The following LHX3 variants were observed in gnomAD, a reference collection of about 807,000 sequenced individuals.
The protein encoded by LHX3 is LIM/homeobox protein Lhx3.
LHX3 carries 21 observed loss-of-function variants against 32.4 expected under a neutral mutation model. That is an observed-to-expected ratio of 0.65 (90% CI 0.46 to 0.93). LHX3 has a LOEUF of 0.93. Among genes scored for constraint, LHX3 ranks in the 40% least tolerant of loss-of-function variants. The pLI is 0.00. For synonymous variants in LHX3, 258 were observed against 246.8 expected, an observed-to-expected ratio of 1.05 and a Z score of -0.43; for missense variants, 626 against 560.0, an observed-to-expected ratio of 1.12 and a Z score of -1.19.
At chr9:136,202,600 T>C (rs901113458) in intron 1 of LHX3, among the ~76,000 whole-genome samples, 1 of 152,080 alleles carries the variant, frequency 6.6e-6, no homozygotes, top group East Asian at 1.9e-4. Context: ...GGCGGCCTTC[T>C]TGGGGACCCT....
At chr9:136,203,297 C>T (rs1831692004) in intron 1 of LHX3, 2 of 294,894 alleles carry the variant, frequency 6.8e-6, no homozygotes, top group Admixed American at 6.4e-5. Flanking sequence ...GCCTTTGCGC[C>T]GGGACCTGCG....
In LHX3 at chr9:136,197,405, T is replaced by C. The variant is rs1309813164; in HGVS notation, c.1114A>G (p.Thr372Ala). ...TCGGGGTAACCCCCGCTGCTCCCCG[T>C]GGATAGGTCAGAACTGGGTCCGTTC... ...AGNGPSSDLS[T>A]GSSGGYPDFP... The change falls in exon 6 of 6, where the codon ACG (threonine) becomes GCG (alanine). Residue 372 changes from threonine to alanine, a missense_variant. Thr to Ala is a moderately conservative substitution (Grantham distance 58). Transcript: ENST00000371748. 1.9e-6 allele frequency: 3 copies of C among 1,609,434 alleles called. No homozygotes were observed. The highest frequency in any genetic ancestry group is 4.5e-5 in the East Asian group (2 of 44,768).
chr9:136,199,269 C>T (rs1164702135), intron 3 of LHX3, among the ~76,000 whole-genome samples: 1 of 152,008 alleles, frequency 6.6e-6, no homozygotes, highest in East Asian at 1.9e-4. Flanking sequence ...CGGCGGAGGG[C>T]GGGTTCTGCC....
chr9:136,198,937 C>G lies in LHX3; in HGVS notation c.577G>C (p.Glu193Gln). ...ARHVREQLSS[E>Q]TGLDMRVVQV... Reference sequence around the variant, plus strand: ...ACCACGCGCATGTCCAGGCCCGTCTCGGACGAGAGCTGCTCGCGCACGTGG... The same window carrying G: ...ACCACGCGCATGTCCAGGCCCGTCTGGGACGAGAGCTGCTCGCGCACGTGG... The change falls in exon 4 of 6, where the codon GAG becomes CAG. Residue 193 changes from glutamate (E) to glutamine (Q), a missense_variant. Glu to Gln is a conservative substitution (Grantham distance 29). Transcript: ENST00000371748. 6.3e-7 allele frequency: 1 copy of G among 1,587,692 alleles called. No individual in the cohort carries two copies. The highest frequency in any genetic ancestry group is 2.3e-5 in the East Asian group (1 of 43,730).
Position 136,198,766 on chromosome 9 carries a change from G to A in LHX3, c.661C>T (p.Arg221Trp), listed in dbSNP as rs773386459. 9 of 1,611,096 alleles carry A rather than the reference G, an allele frequency of 5.6e-6. No homozygotes were observed. In the Admixed American group the frequency reaches 6.7e-5, roughly 12 times the overall value. Residue 221 changes from arginine to tryptophan, a missense_variant, in exon 5 of 6, where the codon CGG becomes TGG. Physicochemically the swap from Arg to Trp is moderately radical, Grantham distance 101. Coordinates refer to ENST00000371748, the MANE Select transcript of LHX3 (RefSeq NM_178138.6). ...KEKRLKKDAG[R>W]QRWGQYFRNM... ...CGGAAATACTGCCCCCAGCGCTGCC[G>A]GCCGGCGTCCTTCTTCAGCCTCTTC...
chr9:136,201,440 C>G, intron 1 of LHX3: 1 of 1,225,350 alleles, frequency 8.2e-7, no homozygotes, highest in Non-Finnish European at 1.0e-6. Flanking sequence ...CCCCCACACC[C>G]CACTTCGGTA....
chr9:136,199,473 C>G (rs1457546453), intron 3 of LHX3, among the ~76,000 whole-genome samples: 1 of 152,260 alleles, frequency 6.6e-6, no homozygotes, highest in Admixed American at 6.5e-5. Context: ...CCGCACACTT[C>G]GGACCGAACG....
chr9:136,197,556 G>A lies in LHX3; in HGVS notation c.963C>T (p.Pro321=), dbSNP rs780677082. 57 of 1,528,710 alleles carry A rather than the reference G, an allele frequency of 3.7e-5. No individual in the cohort carries two copies. Among genetic ancestry groups the A allele is most frequent in the Non-Finnish European group, 4.7e-5 (53 of 1,134,292 alleles). 94.7% of individuals were successfully genotyped at this position (1,528,710 alleles called of 1,614,324 possible). A position where few individuals can be genotyped will look rare whatever the true frequency, so the allele number is the denominator to read the frequency against. ...GGCCAGGGAGGCTCTGCGGGGCGGC[G>A]GGGGATGGGGGGACACCGTAGGGGC... ...PGSPYGVPPS[P]AAPQSLPGPQ... Residue 321 remains proline (P), a synonymous_variant, in exon 6 of 6, where the codon CCC becomes CCT. Coordinates refer to ENST00000371748, the MANE Select transcript of LHX3 (RefSeq NM_178138.6).
At position 136,199,839 on chromosome 9, in the gene LHX3, G is replaced by A. The variant is rs1831595151; in HGVS notation, c.293C>T (p.Pro98Leu). 2 of 1,607,866 alleles carry A rather than the reference G, an allele frequency of 1.2e-6. No homozygotes were observed. The highest frequency in any genetic ancestry group is 8.5e-7 in the Non-Finnish European group (1 of 1,177,516). ...TKCAACQLGIPPTQVVRRAQD... is the reference protein window; with the variant it reads ...TKCAACQLGILPTQVVRRAQD... Reference sequence around the variant, plus strand: ...GGCGCGGCGCACCACCTGCGTGGGCGGGATGCCCAGCTGGCACGCGGCGCA... The same window carrying A: ...GGCGCGGCGCACCACCTGCGTGGGCAGGATGCCCAGCTGGCACGCGGCGCA... The change falls in exon 3 of 6, where the codon CCG becomes CTG. Residue 98 changes from proline to leucine, a missense_variant. Transcript: ENST00000371748.
rs775082501 is a variant in LHX3, at chr9:136,198,671, G to C, written c.756C>G (p.Asp252Glu). ...GCCTACCGGGGAAGGAGACCTCAGC[G>C]TCGCTGTCCTGCCCCTCCTGAACGC... ...KDSVQEGQDS[D>E]AEVSFPDEPS... The change falls in exon 5 of 6, where the codon GAC becomes GAG. Residue 252 changes from aspartate (D) to glutamate (E), a missense_variant. Coordinates refer to ENST00000371748, the MANE Select transcript of LHX3 (RefSeq NM_178138.6). 6.2e-6 allele frequency: 10 copies of C among 1,605,080 alleles called. No homozygotes were observed. The highest frequency in any genetic ancestry group is 1.3e-5 in the African/African-American group (1 of 74,776).
Position 136,205,076 on chromosome 9 carries a change from C to T in LHX3, c.-64G>A. On this transcript the variant is annotated 5_prime_UTR_variant, in exon 1 of 6. Coordinates refer to ENST00000371748, the MANE Select transcript of LHX3 (RefSeq NM_178138.6). ...CTAGGTCAGCGTCCCCTGGAGGGTTCGGGGCTCCCAAGTCCCGCCGCGTCG... is the reference window on the plus strand; with the variant it reads ...CTAGGTCAGCGTCCCCTGGAGGGTTTGGGGCTCCCAAGTCCCGCCGCGTCG... The T allele has an allele frequency of 7.2e-7, 1 of 1,396,730 alleles. No individual in the cohort carries two copies. The highest frequency in any genetic ancestry group is 1.3e-5 in the South Asian group (1 of 79,646). The allele number at this position is 1,396,730 out of a possible 1,614,324, so 86.5% of individuals were successfully genotyped here. A position where few individuals can be genotyped will look rare whatever the true frequency, so the allele number is the denominator to read the frequency against.
At chr9:136,202,458 A>G (rs1472657083) in intron 1 of LHX3, among the ~76,000 whole-genome samples, 1 of 152,134 alleles carries the variant, frequency 6.6e-6, no homozygotes, top group Non-Finnish European at 1.5e-5. Context: ...CTGAGCGGGG[A>G]TAAACCGAGC....
chr9:136,198,880 C>G, intron 4 of LHX3, 28 bp downstream of exon 4: 5 of 1,590,170 alleles, frequency 3.1e-6, no homozygotes, highest in Non-Finnish European at 3.4e-6. Flanking sequence ...AGGCCGCGGG[C>G]GGGAGGGAAG....
In LHX3 at chr9:136,197,753, A is replaced by G. The variant is rs754453297; in HGVS notation, c.776-10T>C. The G allele has an allele frequency of 7.5e-6, 12 of 1,599,662 alleles. No homozygotes were observed. In the African/African-American group the frequency reaches 1.2e-4, roughly 16 times the overall value. ...GCCAAGGAAGGCTCATCTGCAACAGAAGCAGAGGCTCAGTCAGCGCCTGCC... is the reference window on the plus strand; with the variant it reads ...GCCAAGGAAGGCTCATCTGCAACAGGAGCAGAGGCTCAGTCAGCGCCTGCC... On this transcript the variant is annotated splice_polypyrimidine_tract_variant and intron_variant, in intron 5 of 5. Transcript: ENST00000371748.
At chr9:136,204,768 C>T (rs1218981946) in intron 1 of LHX3, among the ~76,000 whole-genome samples, 166 bp downstream of exon 1, 3 of 152,218 alleles carry the variant, frequency 2.0e-5, no homozygotes, top group Non-Finnish European at 2.9e-5. Context: ...AGGCCCTCCC[C>T]GCCACCCTGG....
At chr9:136,200,506 G>T in intron 2 of LHX3, 76 bp downstream of exon 2, 1 of 1,480,284 alleles carries the variant, frequency 6.8e-7, no homozygotes, top group Non-Finnish European at 9.3e-7. Context: ...GCCTGGCCTT[G>T]GTGATTGTGA....
chr9:136,204,922 G>T lies in LHX3; in HGVS notation c.79+12C>A. 6.3e-7 allele frequency: 1 copy of T among 1,591,052 alleles called. No homozygotes were observed. Among genetic ancestry groups the T allele is most frequent in the Non-Finnish European group, 8.5e-7 (1 of 1,169,644 alleles). On this transcript the variant is annotated intron_variant, in intron 1 of 5. Transcript: ENST00000371748. ...TTGCCGTTTCTGTCCTCAGTGTCCT[G>T]CTGGGGCTTACCCCGAGTCCCGCCC...
At chr9:136,203,079 C>T (rs1465079369) in intron 1 of LHX3, 2 of 1,495,938 alleles carry the variant, frequency 1.3e-6, no homozygotes, top group Non-Finnish European at 1.8e-6. Flanking sequence ...CAGTCCCGAA[C>T]TTTCCCGGGC....
chr9:136,204,843 C>A, intron 1 of LHX3, 91 bp downstream of exon 1: 1 of 1,085,866 alleles, frequency 9.2e-7, no homozygotes, highest in Non-Finnish European at 1.4e-6. Context: ...GCGGGACTTT[C>A]TTTGCCTGGC....
Sources: gnomAD v4.1 joint callset for allele counts (sites outside exome capture counted in the v4.1 genomes callset) on GRCh38, gnomAD v4.1.1 for gene constraint, MANE v1.5 for transcripts, NCBI Gene and HGNC (gene_info 2026-07-23, HGNC 2026-07-21) for gene names.